Variants in ZFYVE28 observed in about 807,000 individuals in gnomAD.
ZFYVE28 encodes zinc finger FYVE-type containing 28.
Under a neutral mutation model 82.1 loss-of-function variants are expected in ZFYVE28, and 40 were observed. That is an observed-to-expected ratio of 0.49 (90% CI 0.38 to 0.63). ZFYVE28 has a LOEUF of 0.63. Ranked by LOEUF, ZFYVE28 falls within the 30% of genes least tolerant of loss-of-function variation. The pLI is 0.00. For missense variants in ZFYVE28, 1,321 were observed against 1,242.1 expected, an observed-to-expected ratio of 1.06 and a Z score of -0.96; for synonymous variants, 612 against 546.1, an observed-to-expected ratio of 1.12 and a Z score of -1.68.
chr4:2,305,442 C>T lies in ZFYVE28; in HGVS notation c.898G>A (p.Val300Met), dbSNP rs546914554. The T allele has an allele frequency of 2.0e-5, 32 of 1,612,940 alleles. No individual in the cohort carries two copies. The South Asian group carries it at 2.2e-4, about 11-fold the overall frequency. ...GGCGCCAGGGCAGCGGGTCCCTGCA[C>T]GTCTGCGCGGATGGGGAACTCCACG... Reference protein sequence around the residue: ...QDVEFPIRADVQGPAALAPAL... With the variant: ...QDVEFPIRADMQGPAALAPAL... Residue 300 changes from valine to methionine, a missense_variant, in exon 8 of 13, where the codon GTG (valine) becomes ATG (methionine). Val to Met is a conservative substitution (Grantham distance 21). Coordinates refer to ENST00000290974, the MANE Select transcript of ZFYVE28 (RefSeq NM_020972.3).
At chr4:2,386,577 A>G (rs1180464022) in intron 1 of ZFYVE28, among the ~76,000 whole-genome samples, 3 of 152,194 alleles carry the variant, frequency 2.0e-5, no homozygotes. Flanking sequence ...GAGCCATCAC[A>G]GAACGGGGCT....
intron 2 of ZFYVE28, among the ~76,000 whole-genome samples, chr4:2,343,880 T>C (rs1723156583): frequency 6.6e-6 from 1 of 152,210 alleles, no homozygotes; most frequent in South Asian, 2.1e-4. Context: ...TTATTCACGA[T>C]GAGTCTCCAG....
intron 1 of ZFYVE28, among the ~76,000 whole-genome samples, chr4:2,360,860 G>T (rs749792044): frequency 1.3e-5 from 2 of 152,218 alleles, no homozygotes; most frequent in Non-Finnish European, 2.9e-5. Context: ...GATAAATGGG[G>T]AGGGGCGGTT....
intron 1 of ZFYVE28, among the ~76,000 whole-genome samples, chr4:2,393,266 C>T (rs1489737240): frequency 6.6e-6 from 1 of 152,260 alleles, no homozygotes; most frequent in Non-Finnish European, 1.5e-5. Context: ...CACAGAACAC[C>T]TGCCTTCCCC....
chr4:2,318,282 T>G (rs680750), intron 7 of ZFYVE28, among the ~76,000 whole-genome samples: 122,953 of 152,166 alleles, frequency 0.81, 50,470 homozygotes, highest in African/African-American at 0.95. Context: ...TTTTGGCTGG[T>G]CGCAGTGGCT....
chr4:2,359,121 C>A (rs986016434), intron 1 of ZFYVE28, among the ~76,000 whole-genome samples: 4 of 151,850 alleles, frequency 2.6e-5, no homozygotes, highest in Non-Finnish European at 4.4e-5. Flanking sequence ...ACTACAGGCG[C>A]CCACCACCAG....
intron 2 of ZFYVE28, among the ~76,000 whole-genome samples, chr4:2,345,115 G>C (rs979586798): frequency 1.3e-5 from 2 of 151,926 alleles, no homozygotes; most frequent in African/African-American, 4.8e-5. Flanking sequence ...CAGGAGAATG[G>C]CATGAACCCA....
At chr4:2,389,883 G>A (rs933098640) in intron 1 of ZFYVE28, among the ~76,000 whole-genome samples, 6 of 152,266 alleles carry the variant, frequency 3.9e-5, no homozygotes, top group Middle Eastern at 3.4e-3. Flanking sequence ...CTGACACAGC[G>A]TCCCCTCACG....
Position 2,270,343 on chromosome 4 carries a change from G to A in ZFYVE28, c.*382C>T, listed in dbSNP as rs1003064679. 2 of 171,494 alleles carry A rather than the reference G, an allele frequency of 1.2e-5. No individual in the cohort carries two copies. The highest frequency in any genetic ancestry group is 6.1e-5 in the South Asian group (1 of 16,344). The allele number at this position is 171,494 out of a possible 1,614,324, so 10.6% of individuals were successfully genotyped here. On this transcript the variant is annotated 3_prime_UTR_variant, in exon 13 of 13. Coordinates refer to ENST00000290974, the MANE Select transcript of ZFYVE28 (RefSeq NM_020972.3). ...CCTTGCTCCGGCTTCCAGATTCACC[G>A]CAACAGCAGAGGCGCAGAGTGGCCC...
At chr4:2,369,858 T>TC (rs1489170690) in intron 1 of ZFYVE28, among the ~76,000 whole-genome samples, 2 of 141,354 alleles carry the variant, frequency 1.4e-5, no homozygotes, top group Non-Finnish European at 3.1e-5. Flanking sequence ...TTCTTTTTTT[T>TC]TTTTTTTTTT....
intron 8 of ZFYVE28, among the ~76,000 whole-genome samples, chr4:2,302,931 C>T (rs759128308): frequency 4.6e-5 from 7 of 152,208 alleles, no homozygotes; most frequent in Non-Finnish European, 1.0e-4. Context: ...TCTGACCCTC[C>T]TAGCCTTCAA....
chr4:2,410,430 C>T (rs1006142028), intron 1 of ZFYVE28, among the ~76,000 whole-genome samples: 2 of 145,154 alleles, frequency 1.4e-5, no homozygotes, highest in Non-Finnish European at 3.0e-5. Flanking sequence ...ATGGCGATGG[C>T]TTGTATCAGA....
At chr4:2,313,685 G>A (rs1447780038) in intron 7 of ZFYVE28, among the ~76,000 whole-genome samples, 1 of 152,060 alleles carries the variant, frequency 6.6e-6, no homozygotes, top group East Asian at 1.9e-4. Context: ...GGCCAAAATG[G>A]TGAAACCCAG....
chr4:2,363,855 T>C (rs1353657048), intron 1 of ZFYVE28, among the ~76,000 whole-genome samples: 1 of 152,016 alleles, frequency 6.6e-6, no homozygotes, highest in African/African-American at 2.4e-5. Flanking sequence ...GTTCCCCAAT[T>C]TACAGAGGGA....
rs923934657 is a variant in ZFYVE28, at chr4:2,397,494, T to A, written c.39+20791A>T. On this transcript the variant is annotated intron_variant, in intron 1 of 12. Coordinates refer to ENST00000290974, the MANE Select transcript of ZFYVE28 (RefSeq NM_020972.3). ...CTCAAAAAAAAAAAAAAAAAAAAAA[T>A]TTATTCACATTGCTGTGCAACCATC... is the stretch of plus-strand genomic sequence containing the variant. Among the ~76,000 whole-genome samples the A allele has an allele frequency of 8.9e-5, 11 of 123,096 alleles. No homozygotes were observed. In the South Asian group the frequency reaches 1.9e-3, roughly 21 times the overall value. The allele number at this position is 123,096 out of a possible 152,430, so 80.8% of individuals were successfully genotyped here. A position where few individuals can be genotyped will look rare whatever the true frequency, so the allele number is the denominator to read the frequency against.
chr4:2,276,348 T>C (rs527992877), intron 8 of ZFYVE28, among the ~76,000 whole-genome samples: 3 of 152,236 alleles, frequency 2.0e-5, no homozygotes, highest in Non-Finnish European at 4.4e-5. Flanking sequence ...GTTCCACAGA[T>C]GAAGCCCCTA....
intron 1 of ZFYVE28, among the ~76,000 whole-genome samples, chr4:2,415,451 T>TACACACACACACACACACACACAC (rs58420760): frequency 4.8e-5 from 7 of 147,166 alleles, no homozygotes; most frequent in African/African-American, 1.8e-4. Flanking sequence ...ACCCTGTCTC[T>TACACACACACACACACACACACAC]ACACACACAC....
intron 1 of ZFYVE28, among the ~76,000 whole-genome samples, chr4:2,378,661 G>A (rs988015158): frequency 2.6e-5 from 4 of 152,136 alleles, no homozygotes; most frequent in Admixed American, 6.5e-5. Context: ...TGTGGACTGT[G>A]AGGCAGCACC....
rs756872061 is a variant in ZFYVE28 at position 2,304,984 on chromosome 4, C to G, written c.1356G>C (p.Ser452=). 1.9e-6 allele frequency: 3 copies of G among 1,612,728 alleles called. No homozygotes were observed. The highest frequency in any genetic ancestry group is 2.5e-6 in the Non-Finnish European group (3 of 1,179,874). Residue 452 remains serine, a synonymous_variant, in exon 8 of 13, where the codon TCG becomes TCC. Coordinates refer to ENST00000290974, the MANE Select transcript of ZFYVE28 (RefSeq NM_020972.3). ...TGTTGCTCAAGTCCTCCTCCTTTTC[C>G]GAGGCGGGCAAGCTGATCCCCGCCG... is the stretch of plus-strand genomic sequence containing the variant. ...GGAAGISLPA[S]EKEEDLSNNN...
Sources: gnomAD v4.1 joint callset for allele counts (sites outside exome capture counted in the v4.1 genomes callset) on GRCh38, gnomAD v4.1.1 for gene constraint, MANE v1.5 for transcripts, NCBI Gene and HGNC (gene_info 2026-07-23, HGNC 2026-07-21) for gene names.